The following MAP7 variants were observed in gnomAD, a reference collection of about 807,000 sequenced individuals.
The protein encoded by MAP7 is microtubule associated protein 7, also known as ensconsin.
In MAP7, 52 loss-of-function variants were observed where a neutral mutation model predicts 94.8. That is an observed-to-expected ratio of 0.55 (90% CI 0.44 to 0.69). The LOEUF (loss-of-function observed/expected upper bound fraction) is 0.69, where lower values mean the gene tolerates loss of function less well. Ranked by LOEUF, MAP7 falls within the 30% of genes least tolerant of loss-of-function variation. MAP7 has a pLI of 0.00. For synonymous variants in MAP7, 350 were observed against 357.0 expected (o/e 0.98, Z 0.22); for missense variants, 940 against 964.6 (o/e 0.97, Z 0.34).
chr6:136,386,621 A>T (rs1461330019), intron 5 of MAP7, among the ~76,000 whole-genome samples: 3 of 152,192 alleles, frequency 2.0e-5, no homozygotes, highest in Non-Finnish European at 4.4e-5. Context: ...ACTGTATGAA[A>T]GGTATATAAA....
At chr6:136,507,085 T>C (rs1242526362) in intron 1 of MAP7, among the ~76,000 whole-genome samples, 2 of 152,072 alleles carry the variant, frequency 1.3e-5, no homozygotes, top group African/African-American at 2.4e-5. Context: ...ATCGTTTCTG[T>C]TTTTTTGCTC....
chr6:136,412,101 G>A (rs1046668432), intron 2 of MAP7, among the ~76,000 whole-genome samples: 3 of 152,164 alleles, frequency 2.0e-5, no homozygotes, highest in Admixed American at 6.5e-5. Flanking sequence ...TGAAGTGCTC[G>A]AGTCAAACAG....
At chr6:136,498,682 G>A (rs1036576642) in intron 1 of MAP7, among the ~76,000 whole-genome samples, 1 of 151,986 alleles carries the variant, frequency 6.6e-6, no homozygotes, top group Non-Finnish European at 1.5e-5. Flanking sequence ...ATGAAAGACT[G>A]TGTGAACCAA....
chr6:136,422,675 T>G (rs1024265937), intron 1 of MAP7, among the ~76,000 whole-genome samples: 5 of 152,250 alleles, frequency 3.3e-5, no homozygotes, highest in African/African-American at 1.2e-4. Context: ...TATGTTATTT[T>G]ATTTTCCATT....
intron 1 of MAP7, among the ~76,000 whole-genome samples, chr6:136,541,907 A>C (rs1583164174): frequency 6.6e-6 from 1 of 152,136 alleles, no homozygotes; most frequent in African/African-American, 2.4e-5. Flanking sequence ...AAAAATCCAA[A>C]AATTAGCTGG....
chr6:136,532,219 G>C (rs903597605), intron 1 of MAP7, among the ~76,000 whole-genome samples: 7 of 152,184 alleles, frequency 4.6e-5, no homozygotes, highest in African/African-American at 1.4e-4. Context: ...GGAATCGGCA[G>C]ACACCAGCGT....
intron 1 of MAP7, among the ~76,000 whole-genome samples, chr6:136,439,855 G>T (rs1264280640): frequency 2.0e-5 from 3 of 152,168 alleles, no homozygotes; most frequent in African/African-American, 7.2e-5. Context: ...AGTGAAAAGA[G>T]AGCGAGAAGC....
intron 1 of MAP7, among the ~76,000 whole-genome samples, chr6:136,472,292 G>A (rs1347774118): frequency 3.3e-5 from 5 of 152,116 alleles, no homozygotes; most frequent in Admixed American, 3.3e-4. Context: ...TAATGGGAGA[G>A]CCTGACAGCT....
At chr6:136,393,306 A>C (rs1781300354) in intron 3 of MAP7, among the ~76,000 whole-genome samples, 1 of 152,066 alleles carries the variant, frequency 6.6e-6, no homozygotes, top group Non-Finnish European at 1.5e-5. Context: ...TTTTTATCCA[A>C]GCAGATCCAT....
At chr6:136,411,151 T>C (rs1305312998) in intron 3 of MAP7, among the ~76,000 whole-genome samples, 2 of 152,190 alleles carry the variant, frequency 1.3e-5, no homozygotes, top group Non-Finnish European at 2.9e-5. Flanking sequence ...GTTGCTAACG[T>C]CACAAGGGCC....
chr6:136,484,042 G>A (rs1252849978), intron 1 of MAP7, among the ~76,000 whole-genome samples: 2 of 152,194 alleles, frequency 1.3e-5, no homozygotes, highest in South Asian at 4.1e-4. Flanking sequence ...AGCAGGTGCT[G>A]AGCTGGGGGA....
chr6:136,529,085 T>C (rs1361602052), intron 1 of MAP7, among the ~76,000 whole-genome samples: 1 of 152,126 alleles, frequency 6.6e-6, no homozygotes, highest in Non-Finnish European at 1.5e-5. Flanking sequence ...AGACCTTAAA[T>C]TTAAATATCC....
chr6:136,444,863 CT>C, intron 1 of MAP7, among the ~76,000 whole-genome samples: 1 of 152,262 alleles, frequency 6.6e-6, no homozygotes, highest in Non-Finnish European at 1.5e-5. Context: ...CTACTTGAAG[CT>C]TCAATTCTGG....
intron 1 of MAP7, among the ~76,000 whole-genome samples, chr6:136,524,822 C>T (rs1181330559): frequency 2.6e-5 from 4 of 152,214 alleles, no homozygotes; most frequent in Non-Finnish European, 5.9e-5. Context: ...TTGCTTTCTA[C>T]TTTGTCATGC....
chr6:136,448,237 A>G (rs898658037), intron 1 of MAP7, among the ~76,000 whole-genome samples: 1 of 152,126 alleles, frequency 6.6e-6, no homozygotes, highest in African/African-American at 2.4e-5. Context: ...CTCTGAAGGA[A>G]TAAGTCAATT....
intron 1 of MAP7, among the ~76,000 whole-genome samples, chr6:136,435,971 T>C (rs926770375): frequency 6.6e-6 from 1 of 152,182 alleles, no homozygotes; most frequent in Middle Eastern, 3.2e-3. Flanking sequence ...CAGTTATACA[T>C]GAAATATTTT....
rs76537014 is a variant in MAP7 at position 136,463,593 on chromosome 6, A to G, written c.68-41794T>C. Among the ~76,000 whole-genome samples the G allele has an allele frequency of 0.012, 1,893 of 152,288 alleles. 84 individuals are homozygous for G. In the East Asian group the frequency reaches 0.14, roughly 11 times the overall value. ...ACACAATATAAAGTCAAAATTTTTA[A>G]TCTTATTAAGGAAAGAACTTGCATT... On this transcript the variant is annotated intron_variant, in intron 1 of 17. Transcript: ENST00000354570.
At position 136,359,877 on chromosome 6, in the gene MAP7, T is replaced by C. The variant is rs1277017938; in HGVS notation, c.1855A>G (p.Lys619Glu). ...TCACCGTTTCTCTGATCACTGGTTT[T>C]CTACGAAGAAGAAAAAAAGAGGACT... ...RTRRTEATDK[K>E]TSDQRNGDIA... Residue 619 changes from lysine to glutamate, a missense_variant and splice_region_variant, in exon 15 of 18, where the codon AAA (lysine) becomes GAA (glutamate). Lys to Glu is a moderately conservative substitution (Grantham distance 56). Transcript: ENST00000354570. The C allele has an allele frequency of 1.2e-6, 2 of 1,613,330 alleles. No individual in the cohort carries two copies. Among genetic ancestry groups the C allele is most frequent in the East Asian group, 4.5e-5 (2 of 44,862 alleles).
chr6:136,448,637 T>A (rs1408257642), intron 1 of MAP7, among the ~76,000 whole-genome samples: 1 of 151,922 alleles, frequency 6.6e-6, no homozygotes, highest in African/African-American at 2.4e-5. Flanking sequence ...ATGGTCTCGA[T>A]CTCCTGATCT....
Sources: gnomAD v4.1 joint callset for allele counts (sites outside exome capture counted in the v4.1 genomes callset) on GRCh38, gnomAD v4.1.1 for gene constraint, MANE v1.5 for transcripts, NCBI Gene and HGNC (gene_info 2026-07-23, HGNC 2026-07-21) for gene names.